Variants in ANKS1A observed in about 807,000 individuals in gnomAD.
ANKS1A encodes the protein ankyrin repeat and sterile alpha motif domain containing 1A, also known as ankyrin repeat and SAM domain-containing protein 1A.
A neutral mutation model predicts 120.3 loss-of-function variants in ANKS1A; 55 were observed. The observed-to-expected ratio is 0.46, with a 90% CI of 0.37 to 0.57. The LOEUF (loss-of-function observed/expected upper bound fraction) is 0.57. ANKS1A is among the 20% of genes least tolerant of loss of function. The probability of loss-of-function intolerance (pLI) is 0.00; values close to 1 mark genes in which losing one functional copy is unlikely to be tolerated. For synonymous variants in ANKS1A, 590 were observed against 604.7 expected (o/e 0.98, Z 0.36); for missense variants, 1,123 against 1,480.3 (o/e 0.76, Z 3.96).
intron 1 of ANKS1A, among the ~76,000 whole-genome samples, chr6:34,940,659 C>T (rs1334948636): frequency 6.6e-6 from 1 of 151,842 alleles, no homozygotes; most frequent in African/African-American, 2.4e-5. Context: ...ACTTATAATC[C>T]CAGCACTTTG....
intron 10 of ANKS1A, among the ~76,000 whole-genome samples, chr6:35,006,823 TA>T (rs1388514225): frequency 1.3e-5 from 2 of 151,644 alleles, no homozygotes; most frequent in Non-Finnish European, 2.9e-5. Context: ...AAATTTAAAT[TA>T]AAAAAAATTT....
intron 11 of ANKS1A, among the ~76,000 whole-genome samples, chr6:35,048,527 G>C (rs956792623): frequency 6.6e-6 from 1 of 152,072 alleles, no homozygotes; most frequent in African/African-American, 2.4e-5. Flanking sequence ...TAGAAAATCA[G>C]GACAAATAAT....
intron 1 of ANKS1A, among the ~76,000 whole-genome samples, chr6:34,890,076 A>G (rs958224498): frequency 4.6e-5 from 7 of 151,418 alleles, no homozygotes; most frequent in African/African-American, 1.5e-4. Context: ...CCACCAGGCT[A>G]CACAGGACCT....
At chr6:34,914,901 G>C (rs568128484) in intron 1 of ANKS1A, among the ~76,000 whole-genome samples, 4 of 152,306 alleles carry the variant, frequency 2.6e-5, no homozygotes, top group African/African-American at 9.6e-5. Flanking sequence ...GAGCTTCTGG[G>C]AGCAGCAGTC....
chr6:35,009,063 G>A (rs947614187), intron 10 of ANKS1A, among the ~76,000 whole-genome samples: 1 of 152,188 alleles, frequency 6.6e-6, no homozygotes, highest in Non-Finnish European at 1.5e-5. Context: ...GTTTATTCCC[G>A]AGACAATGCA....
chr6:35,040,394 C>A (rs1398471326), intron 11 of ANKS1A, among the ~76,000 whole-genome samples: 1 of 152,226 alleles, frequency 6.6e-6, no homozygotes, highest in African/African-American at 2.4e-5. Context: ...TCCATTTCCA[C>A]TGACTTGGTG....
chr6:35,068,019 G>A (rs1776869743), intron 13 of ANKS1A, among the ~76,000 whole-genome samples: 1 of 150,784 alleles, frequency 6.6e-6, no homozygotes, highest in Non-Finnish European at 1.5e-5. Flanking sequence ...TCGGCCTCCT[G>A]TGTAGCTGGA....
Position 34,935,829 on chromosome 6 carries a change from G to A in ANKS1A, c.198-31410G>A, listed in dbSNP as rs190969986. ...TGTAATCCCAGCACTTTGGGAGGCC[G>A]AGGCGGGCGGATCACGAGGTCAGGA... On this transcript the variant is annotated intron_variant, in intron 1 of 23. Transcript: ENST00000360359. Among the ~76,000 whole-genome samples, 899 of 151,934 alleles carry A rather than the reference G, an allele frequency of 5.9e-3. 5 individuals carry two copies. Among genetic ancestry groups the A allele is most frequent in the Non-Finnish European group, 9.8e-3 (667 of 67,948 alleles).
At position 34,999,282 on chromosome 6, in the gene ANKS1A, C is replaced by T. The variant is rs191279043; in HGVS notation, c.1423+4860C>T. Among the ~76,000 whole-genome samples, 19 of 152,222 alleles carry T rather than the reference C, an allele frequency of 1.2e-4. No homozygotes were observed. The East Asian group carries it at 2.1e-3, about 17-fold the overall frequency. ...GGAAGCATGGCCTGATCACCCATGG[C>T]GTGCCTGTACCGGCACTTTGGTTTT... On this transcript the variant is annotated intron_variant, in intron 10 of 23. Coordinates refer to ENST00000360359, the MANE Select transcript of ANKS1A (RefSeq NM_015245.3).
chr6:34,932,418 T>C (rs909950170), intron 1 of ANKS1A, among the ~76,000 whole-genome samples: 3 of 151,282 alleles, frequency 2.0e-5, no homozygotes, highest in East Asian at 3.9e-4. Context: ...CCTCAGGCGA[T>C]CCGCCTGAGG....
intron 1 of ANKS1A, among the ~76,000 whole-genome samples, chr6:34,947,207 G>A (rs577060214): frequency 1.5e-4 from 22 of 144,216 alleles, no homozygotes; most frequent in East Asian, 1.0e-3. Context: ...GTGCAGTGGC[G>A]TGATCTCAGC....
intron 1 of ANKS1A, among the ~76,000 whole-genome samples, chr6:34,908,534 A>G (rs1767750706): frequency 6.6e-6 from 1 of 152,196 alleles, no homozygotes; most frequent in South Asian, 2.1e-4. Context: ...CAATTCAAAC[A>G]ATAAAAAAGT....
At chr6:35,008,096 C>T (rs138110524) in intron 10 of ANKS1A, among the ~76,000 whole-genome samples, 1 of 152,294 alleles carries the variant, frequency 6.6e-6, no homozygotes, top group Non-Finnish European at 1.5e-5. Context: ...CCAAGAAGTC[C>T]AGGCTAGATT....
rs1304929541 is a variant in ANKS1A, at chr6:35,090,483, G to GTGTT, written c.*1876_*1879dup. 3.6e-6 allele frequency: 4 copies of GTGTT among 1,107,810 alleles called. No individual in the cohort carries two copies. The highest frequency in any genetic ancestry group is 4.2e-4 in the Middle Eastern group (1 of 2,388). The allele number at this position is 1,107,810 out of a possible 1,614,324, so 68.6% of individuals were successfully genotyped here. On this transcript the variant is annotated 3_prime_UTR_variant, in exon 24 of 24. Transcript: ENST00000360359. Reference sequence around the variant, plus strand: ...TCTTTTGTGCTTAGATCATCCATAGGTGTTTCTTCTGCTTGAAGCTGCTAT... The same window carrying GTGTT: ...TCTTTTGTGCTTAGATCATCCATAGGTGTTTGTTTCTTCTGCTTGAAGCTGCTAT...
intron 1 of ANKS1A, among the ~76,000 whole-genome samples, chr6:34,919,407 G>A (rs1283607601): frequency 1.3e-5 from 2 of 152,136 alleles, no homozygotes; most frequent in Admixed American, 6.5e-5. Flanking sequence ...TGCACTAGAT[G>A]CTTCAATATT....
intron 1 of ANKS1A, among the ~76,000 whole-genome samples, chr6:34,918,913 G>A (rs1410416056): frequency 9.2e-5 from 14 of 152,138 alleles, no homozygotes; most frequent in African/African-American, 2.4e-4. Flanking sequence ...GTGCAGTGGC[G>A]CCATCTTGGC....
chr6:35,023,924 A>G (rs1774480947), intron 11 of ANKS1A: 1 of 153,490 alleles, frequency 6.5e-6, no homozygotes, highest in Non-Finnish European at 1.5e-5. Flanking sequence ...TCTTTATAAT[A>G]AACTAAATTT....
intron 10 of ANKS1A, among the ~76,000 whole-genome samples, chr6:35,013,371 T>C (rs1022170186): frequency 2.6e-5 from 4 of 152,190 alleles, no homozygotes; most frequent in Admixed American, 1.3e-4. Context: ...CACAGCTCAC[T>C]GCAGCCTTGA....
At chr6:35,009,461 A>G in intron 10 of ANKS1A, among the ~76,000 whole-genome samples, 1 of 152,142 alleles carries the variant, frequency 6.6e-6, no homozygotes, top group Non-Finnish European at 1.5e-5. Flanking sequence ...TCCGGTTTCA[A>G]ATGTGTTAAG....
Sources: gnomAD v4.1 joint callset for allele counts (sites outside exome capture counted in the v4.1 genomes callset) on GRCh38, gnomAD v4.1.1 for gene constraint, MANE v1.5 for transcripts, NCBI Gene and HGNC (gene_info 2026-07-23, HGNC 2026-07-21) for gene names.